The following SUGCT variants were observed in gnomAD, a reference collection of about 807,000 sequenced individuals.
The protein encoded by SUGCT is succinyl-CoA:glutarate CoA-transferase.
Under a neutral mutation model 55.0 loss-of-function variants are expected in SUGCT, and 41 were observed. The observed-to-expected ratio is 0.74, with a 90% CI of 0.58 to 0.97. The LOEUF (loss-of-function observed/expected upper bound fraction) is 0.97, where lower values mean the gene tolerates loss of function less well. Ranked by LOEUF, SUGCT falls within the 50% of genes least tolerant of loss-of-function variation. The probability of loss-of-function intolerance (pLI) is 0.00; values close to 1 mark genes in which losing one functional copy is unlikely to be tolerated. For missense variants in SUGCT, 568 were observed against 547.8 expected (o/e 1.04, Z -0.37); for synonymous variants, 187 against 200.4 (o/e 0.93, Z 0.56).
chr7:40,592,335 G>T (rs1285704397), intron 12 of SUGCT, among the ~76,000 whole-genome samples: 1 of 152,104 alleles, frequency 6.6e-6, no homozygotes, highest in Non-Finnish European at 1.5e-5. Flanking sequence ...GGTGACTGCT[G>T]CTCCTGGATT....
At chr7:40,297,332 T>A (rs1794222708) in intron 8 of SUGCT, among the ~76,000 whole-genome samples, 1 of 152,170 alleles carries the variant, frequency 6.6e-6, no homozygotes, top group South Asian at 2.1e-4. Context: ...CTACTACTTT[T>A]TTTTTTTAAT....
chr7:40,645,275 C>G (rs1244323249), intron 12 of SUGCT, among the ~76,000 whole-genome samples: 1 of 152,130 alleles, frequency 6.6e-6, no homozygotes, highest in Admixed American at 6.5e-5. Flanking sequence ...CCTCATTGTT[C>G]TAGAGAGCAA....
intron 12 of SUGCT, among the ~76,000 whole-genome samples, chr7:40,574,272 C>G (rs78613167): frequency 0.025 from 3,835 of 152,302 alleles, 155 homozygotes; most frequent in African/African-American, 0.089. Context: ...ATTCACTTAT[C>G]TCTTTTTTAT....
chr7:40,777,782 T>C (rs1789540434), intron 13 of SUGCT, among the ~76,000 whole-genome samples: 2 of 152,026 alleles, frequency 1.3e-5, no homozygotes, highest in South Asian at 4.2e-4. Context: ...TTAAGTTGCC[T>C]CCTGTGAAGG....
At chr7:40,902,271 A>G in the SUGCT span, among the ~76,000 whole-genome samples, 2 of 152,066 alleles carry the variant, frequency 1.3e-5, no homozygotes, top group Non-Finnish European at 2.9e-5. Context: ...TGTTTAATAT[A>G]TTTTTCAATT....
At chr7:40,267,059 AAAG>A (rs1199655330) in intron 7 of SUGCT, among the ~76,000 whole-genome samples, 2 of 151,942 alleles carry the variant, frequency 1.3e-5, no homozygotes, top group African/African-American at 4.8e-5. Context: ...AGGAAGAAAA[AAAG>A]AAAATAACAC....
intron 7 of SUGCT, among the ~76,000 whole-genome samples, chr7:40,263,361 G>A (rs2150967688): frequency 6.6e-6 from 1 of 152,354 alleles, no homozygotes; most frequent in Middle Eastern, 3.4e-3. Flanking sequence ...AGATGTGAAA[G>A]AGATCTGAAT....
chr7:40,327,273 G>T (rs1796067823), intron 9 of SUGCT, among the ~76,000 whole-genome samples: 1 of 574 alleles, frequency 1.7e-3, no homozygotes, highest in Non-Finnish European at 7.4e-3. Flanking sequence ...TGAAGATCCT[G>T]GTTAAATTTG....
chr7:40,294,582 C>T (rs1793999719), intron 8 of SUGCT, among the ~76,000 whole-genome samples: 1 of 152,114 alleles, frequency 6.6e-6, no homozygotes, highest in South Asian at 2.1e-4. Flanking sequence ...TTCACTCTGC[C>T]ACCCAGGCTG....
At chr7:40,946,860 G>A in the SUGCT span, among the ~76,000 whole-genome samples, 25 of 151,900 alleles carry the variant, frequency 1.6e-4, no homozygotes, top group African/African-American at 3.4e-4. Flanking sequence ...TGTATTTCAC[G>A]ACTTGCTTCT....
the SUGCT span, among the ~76,000 whole-genome samples, chr7:40,913,520 G>T: frequency 6.6e-6 from 1 of 152,128 alleles, no homozygotes; most frequent in Non-Finnish European, 1.5e-5. Flanking sequence ...TTTGCTTTTA[G>T]AAAGAAATTC....
chr7:40,786,824 G>A (rs1300197537), intron 13 of SUGCT, among the ~76,000 whole-genome samples: 1 of 152,162 alleles, frequency 6.6e-6, no homozygotes, highest in African/African-American at 2.4e-5. Context: ...GGATCATTAA[G>A]AATTTCAGTG....
chr7:40,458,625 T>C (rs1417851278), intron 10 of SUGCT, among the ~76,000 whole-genome samples: 2 of 152,228 alleles, frequency 1.3e-5, no homozygotes, highest in African/African-American at 4.8e-5. Context: ...ATCACAGTAT[T>C]TTATTTACAT....
chr7:40,735,096 G>T (rs1584358001), intron 12 of SUGCT, among the ~76,000 whole-genome samples: 1 of 152,200 alleles, frequency 6.6e-6, no homozygotes, highest in South Asian at 2.1e-4. Flanking sequence ...CCACCACTCG[G>T]AATGGTTCCT....
chr7:40,969,661 A>G, the SUGCT span, among the ~76,000 whole-genome samples: 1 of 152,060 alleles, frequency 6.6e-6, no homozygotes, highest in East Asian at 1.9e-4. Context: ...CCAGCTTTCA[A>G]CTGTTGTATT....
chr7:41,033,169 G>A, the SUGCT span, among the ~76,000 whole-genome samples: 3 of 152,168 alleles, frequency 2.0e-5, no homozygotes, highest in Admixed American at 2.0e-4. Context: ...AATTGTAGGT[G>A]GTTCAGGAAC....
At chr7:40,494,890 A>T (rs186471006) in intron 11 of SUGCT, among the ~76,000 whole-genome samples, 3 of 151,380 alleles carry the variant, frequency 2.0e-5, no homozygotes, top group African/African-American at 7.2e-5. Flanking sequence ...GTACTTCAGT[A>T]TTGAAATTAT....
intron 9 of SUGCT, among the ~76,000 whole-genome samples, chr7:40,410,703 G>A (rs1348447080): frequency 6.6e-6 from 1 of 152,094 alleles, no homozygotes; most frequent in Non-Finnish European, 1.5e-5. Flanking sequence ...GGCATATTTT[G>A]TAAGTCCTTA....
intron 12 of SUGCT, among the ~76,000 whole-genome samples, chr7:40,570,514 G>A (rs745580884): frequency 6.6e-5 from 10 of 152,200 alleles, no homozygotes; most frequent in South Asian, 2.1e-4. Flanking sequence ...AGACTGGAAT[G>A]CAGTTAAATG....
Sources: allele counts gnomAD v4.1 joint callset (sites outside exome capture counted in the v4.1 genomes callset), GRCh38; gene constraint gnomAD v4.1.1; transcripts MANE v1.5; gene names NCBI Gene and HGNC (gene_info 2026-07-23, HGNC 2026-07-21).